TMEFF1: variants seen among roughly 807,000 people sequenced by gnomAD.
TMEFF1 encodes the protein transmembrane protein with EGF like and two follistatin like domains 1.
In TMEFF1, 20 loss-of-function variants were observed where a neutral mutation model predicts 47.5. That is an observed-to-expected ratio of 0.42 (90% CI 0.30 to 0.61). The LOEUF (loss-of-function observed/expected upper bound fraction) is 0.61. TMEFF1 is among the 20% of genes least tolerant of loss of function. The pLI is 0.19. For synonymous variants in TMEFF1, 162 were observed against 166.3 expected, an observed-to-expected ratio of 0.97 and a Z score of 0.20; for missense variants, 411 against 471.1, an observed-to-expected ratio of 0.87 and a Z score of 1.18.
At chr9:100,557,790 A>G (rs1416758536) in intron 7 of TMEFF1, among the ~76,000 whole-genome samples, 1 of 149,610 alleles carries the variant, frequency 6.7e-6, no homozygotes. Context: ...CTGATTTTCT[A>G]AATTGACTAT....
At chr9:100,531,424 G>A (rs572939839) in intron 5 of TMEFF1, among the ~76,000 whole-genome samples, 46 of 152,238 alleles carry the variant, frequency 3.0e-4, no homozygotes, top group African/African-American at 9.6e-4. Flanking sequence ...AAAATCACAA[G>A]CATTCTTATA....
chr9:100,543,747 A>AC (rs57269279), intron 5 of TMEFF1, among the ~76,000 whole-genome samples: 12 of 150,830 alleles, frequency 8.0e-5, no homozygotes, highest in South Asian at 6.3e-4. Flanking sequence ...ACACACACAC[A>AC]AATCTCATAA....
chr9:100,544,208 G>A (rs182886300), intron 5 of TMEFF1, among the ~76,000 whole-genome samples: 1 of 151,846 alleles, frequency 6.6e-6, no homozygotes, highest in Admixed American at 6.6e-5. Context: ...TTTGTCTCCT[G>A]TTCCCAGAGG....
At chr9:100,538,026 G>A (rs1437991513) in intron 5 of TMEFF1, among the ~76,000 whole-genome samples, 2 of 151,878 alleles carry the variant, frequency 1.3e-5, no homozygotes, top group Admixed American at 6.6e-5. Flanking sequence ...AATGAAATGA[G>A]CTTTTGTGAA....
intron 5 of TMEFF1, 103 bp downstream of exon 5, chr9:100,516,874 G>A: frequency 7.2e-7 from 1 of 1,386,352 alleles, no homozygotes; most frequent in Non-Finnish European, 9.5e-7. Flanking sequence ...TCTTTTGTGT[G>A]TTTTCAAATT....
chr9:100,491,488 C>T (rs1322178857), intron 1 of TMEFF1, among the ~76,000 whole-genome samples: 1 of 152,100 alleles, frequency 6.6e-6, no homozygotes, highest in Non-Finnish European at 1.5e-5. Context: ...TTAATAAGGC[C>T]TTAGGGAACA....
intron 5 of TMEFF1, among the ~76,000 whole-genome samples, chr9:100,542,339 CTGT>C (rs1466476303): frequency 1.3e-5 from 2 of 152,188 alleles, no homozygotes; most frequent in African/African-American, 4.8e-5. Context: ...ACACAGAGCA[CTGT>C]TGTTCTTATA....
chr9:100,488,686 T>C (rs1837495344), intron 1 of TMEFF1, among the ~76,000 whole-genome samples: 1 of 152,224 alleles, frequency 6.6e-6, no homozygotes, highest in African/African-American at 2.4e-5. Flanking sequence ...GTGCTGTTAT[T>C]GTCCCCATTT....
At chr9:100,555,968 A>T (rs1414808859) in intron 7 of TMEFF1, among the ~76,000 whole-genome samples, 1 of 152,328 alleles carries the variant, frequency 6.6e-6, no homozygotes, top group East Asian at 1.9e-4. Flanking sequence ...AGCGACTGGA[A>T]TTCAGCCTTT....
At chr9:100,482,824 C>G (rs934277669) in intron 1 of TMEFF1, among the ~76,000 whole-genome samples, 1 of 152,122 alleles carries the variant, frequency 6.6e-6, no homozygotes, top group Non-Finnish European at 1.5e-5. Context: ...TTGGTCTGAA[C>G]TCCTCTCCTG....
chr9:100,539,415 A>G (rs754463306), intron 5 of TMEFF1, among the ~76,000 whole-genome samples: 4 of 152,042 alleles, frequency 2.6e-5, no homozygotes, highest in Non-Finnish European at 5.9e-5. Flanking sequence ...TAAAGATGGT[A>G]TGTCCGGAGT....
chr9:100,486,538 G>C (rs367572758), intron 1 of TMEFF1, among the ~76,000 whole-genome samples: 1 of 152,110 alleles, frequency 6.6e-6, no homozygotes, highest in Non-Finnish European at 1.5e-5. Context: ...CACAGCACCC[G>C]GCCTGAACTT....
Position 100,576,404 on chromosome 9 carries a change from C to T in TMEFF1, c.1059-112C>T, listed in dbSNP as rs151220418. On this transcript the variant is annotated intron_variant, in intron 9 of 9. Transcript: ENST00000374879. ...ATCTCATTTCCCTTTCATGTAATTG[C>T]TTGCAATGTGGCTTTATGTGCAAAA... The T allele has an allele frequency of 3.8e-4, 502 of 1,329,856 alleles. 3 individuals are homozygous for T. In the African/African-American group the frequency reaches 6.9e-3, roughly 18 times the overall value. 82.4% of individuals were successfully genotyped at this position (1,329,856 alleles called of 1,614,324 possible). A position where few individuals can be genotyped will look rare whatever the true frequency, so the allele number is the denominator to read the frequency against.
intron 2 of TMEFF1, among the ~76,000 whole-genome samples, chr9:100,500,113 G>A (rs770579464): frequency 3.3e-5 from 5 of 152,164 alleles, no homozygotes; most frequent in African/African-American, 7.2e-5. Context: ...CATGGAAGGT[G>A]ACTTTAGCCA....
At chr9:100,532,352 G>T (rs1405512575) in intron 5 of TMEFF1, among the ~76,000 whole-genome samples, 1 of 151,110 alleles carries the variant, frequency 6.6e-6, no homozygotes, top group East Asian at 1.9e-4. Flanking sequence ...TCTGACAAAG[G>T]GCTAATATCC....
At chr9:100,574,185 G>C (rs1839305297) in intron 9 of TMEFF1, among the ~76,000 whole-genome samples, 1 of 152,188 alleles carries the variant, frequency 6.6e-6, no homozygotes, top group Admixed American at 6.5e-5. Flanking sequence ...TAGGGTTTTT[G>C]AGCAGGGGAA....
intron 5 of TMEFF1, among the ~76,000 whole-genome samples, chr9:100,540,071 C>T (rs556633691): frequency 3.9e-5 from 6 of 152,268 alleles, no homozygotes; most frequent in African/African-American, 1.4e-4. Flanking sequence ...GGTGCGTTTA[C>T]AAACCTTTAG....
At chr9:100,494,965 A>G (rs1398353245) in intron 1 of TMEFF1, among the ~76,000 whole-genome samples, 1 of 152,234 alleles carries the variant, frequency 6.6e-6, no homozygotes, top group Non-Finnish European at 1.5e-5. Flanking sequence ...GATAGCCAGC[A>G]ACAAATCTGA....
intron 5 of TMEFF1, among the ~76,000 whole-genome samples, chr9:100,539,641 T>C (rs796151554): frequency 2.6e-5 from 4 of 152,226 alleles, no homozygotes; most frequent in Admixed American, 6.5e-5. Context: ...TTACAGCTCA[T>C]AAAGGTGGCG....
Sources: gnomAD v4.1 joint callset for allele counts (sites outside exome capture counted in the v4.1 genomes callset) on GRCh38, gnomAD v4.1.1 for gene constraint, MANE v1.5 for transcripts, NCBI Gene and HGNC (gene_info 2026-07-23, HGNC 2026-07-21) for gene names.